The following XRRA1 variants were observed in gnomAD, a reference collection of about 807,000 sequenced individuals.
XRRA1 encodes the protein X-ray radiation resistance-associated protein 1.
In XRRA1, 69 loss-of-function variants were observed where a neutral mutation model predicts 80.2. That is an observed-to-expected ratio of 0.86 (90% CI 0.71 to 1.05). The LOEUF is 1.05. XRRA1 is among the 50% of genes least tolerant of loss of function. XRRA1 has a pLI of 0.00. For missense variants in XRRA1, 967 were observed against 976.4 expected (o/e 0.99, Z 0.13); for synonymous variants, 348 against 389.9 (o/e 0.89, Z 1.27).
chr11:74,845,315 C>G, intron 15 of XRRA1, 44 bp from the exon 16 acceptor site: 3 of 1,552,144 alleles, frequency 1.9e-6, no homozygotes, highest in Non-Finnish European at 2.6e-6. Flanking sequence ...CTCATTCATT[C>G]ATTCATTCCA....
At chr11:74,931,797 C>T (rs1245205668) in intron 5 of XRRA1, 6 of 152,192 alleles carry the variant, frequency 3.9e-5, no homozygotes. Flanking sequence ...TCCTATCAAG[C>T]TGTGGGGAAT....
chr11:74,885,461 A>G (rs568275852), intron 10 of XRRA1, among the ~76,000 whole-genome samples: 50 of 152,318 alleles, frequency 3.3e-4, no homozygotes, highest in African/African-American at 1.1e-3. Context: ...ACGAGGTATA[A>G]AACCTAGAAG....
chr11:74,918,299 A>T (rs536973989), intron 8 of XRRA1, among the ~76,000 whole-genome samples: 1 of 150,156 alleles, frequency 6.7e-6, no homozygotes, highest in Admixed American at 6.7e-5. Flanking sequence ...TTCCTTCCTT[A>T]GTGTGTGTGT....
chr11:74,887,004 G>A (rs760450177), intron 10 of XRRA1, among the ~76,000 whole-genome samples: 1 of 152,166 alleles, frequency 6.6e-6, no homozygotes, highest in Non-Finnish European at 1.5e-5. Context: ...GAGATAACTG[G>A]CCAGCCATAT....
At chr11:74,934,147 T>C (rs181763579) in intron 4 of XRRA1, among the ~76,000 whole-genome samples, 6 of 152,320 alleles carry the variant, frequency 3.9e-5, no homozygotes, top group Admixed American at 2.6e-4. Flanking sequence ...ATCTCCTCTT[T>C]TTAATGAGAA....
chr11:74,843,546 T>C, intron 18 of XRRA1, 93 bp from the exon 19 acceptor site: 1 of 1,486,566 alleles, frequency 6.7e-7, no homozygotes, highest in Non-Finnish European at 9.0e-7. Flanking sequence ...CCTTGGAAAA[T>C]GGGATGGTGT....
chr11:74,859,324 T>G, intron 11 of XRRA1, 41 bp from the exon 12 acceptor site: 1 of 1,568,406 alleles, frequency 6.4e-7, no homozygotes, highest in Non-Finnish European at 8.7e-7. Flanking sequence ...TGCCCGATAA[T>G]AAATAAGGCC....
At chr11:74,892,136 G>A (rs4944963) in intron 10 of XRRA1, among the ~76,000 whole-genome samples, 38,614 of 151,914 alleles carry the variant, frequency 0.25, 5,814 homozygotes, top group East Asian at 0.53. Flanking sequence ...GAGGCATCAC[G>A]CTACCTGACT....
At chr11:74,877,740 A>G (rs979653071) in intron 10 of XRRA1, among the ~76,000 whole-genome samples, 1 of 151,370 alleles carries the variant, frequency 6.6e-6, no homozygotes, top group Non-Finnish European at 1.5e-5. Context: ...GCGATAGTTT[A>G]CTGAGAATGA....
At position 74,848,189 on chromosome 11, in the gene XRRA1, T is replaced by C; in HGVS notation, c.1654A>G (p.Thr552Ala). 1 of 1,613,812 alleles carries C rather than the reference T, an allele frequency of 6.2e-7. No individual in the cohort carries two copies. The highest frequency in any genetic ancestry group is 1.1e-5 in the South Asian group (1 of 91,078). Residue 552 changes from threonine (T) to alanine (A), a missense_variant, in exon 15 of 19, where the codon ACA becomes GCA. Physicochemically the swap from Thr to Ala is moderately conservative, Grantham distance 58. Transcript: ENST00000684022. Reference protein sequence around the residue: ...SEETLSHLSDTTVRLSPERPS... With the variant: ...SEETLSHLSDATVRLSPERPS... ...CGCTCTGGGCTGAGGCGGACAGTTGTGTCACTCAGGTGGGACAGGGTCTCT... is the reference window on the plus strand; with the variant it reads ...CGCTCTGGGCTGAGGCGGACAGTTGCGTCACTCAGGTGGGACAGGGTCTCT...
intron 2 of XRRA1, among the ~76,000 whole-genome samples, chr11:74,944,355 C>G (rs1432353643): frequency 6.6e-6 from 1 of 152,158 alleles, no homozygotes; most frequent in African/African-American, 2.4e-5. Flanking sequence ...GCTACACACG[C>G]ACACACACAT....
At chr11:74,904,494 A>G (rs997626345) in intron 10 of XRRA1, among the ~76,000 whole-genome samples, 1 of 151,974 alleles carries the variant, frequency 6.6e-6, no homozygotes, top group Non-Finnish European at 1.5e-5. Context: ...TAGGGTAACC[A>G]TTAGAGATAC....
rs1262880113 is a variant in XRRA1 at position 74,848,429 on chromosome 11, G to A, written c.1414C>T (p.Pro472Ser). ...KSEIPKVPKQ[P>S]LVLHHPRMTT... ...ATGCGCGGGTGATGGAGCACCAGAG[G>A]CTGCTTCGGCACCTTTGGGATTTCG... The change falls in exon 15 of 19, where the codon CCT (proline) becomes TCT (serine). Residue 472 changes from proline (P) to serine (S), a missense_variant. By Grantham distance (74) the Pro-to-Ser change is moderately conservative. Transcript: ENST00000684022. 2 of 1,612,548 alleles carry A rather than the reference G, an allele frequency of 1.2e-6. No individual in the cohort carries two copies. The highest frequency in any genetic ancestry group is 3.3e-5 in the Admixed American group (2 of 59,970).
chr11:74,882,797 G>C (rs1057305452), intron 10 of XRRA1, among the ~76,000 whole-genome samples: 4 of 152,204 alleles, frequency 2.6e-5, no homozygotes, highest in African/African-American at 7.2e-5. Flanking sequence ...CCCCTGCTGG[G>C]GGGGTGCCTC....
intron 10 of XRRA1, among the ~76,000 whole-genome samples, chr11:74,893,573 AAAAAT>A (rs1352580890): frequency 6.6e-6 from 1 of 152,046 alleles, no homozygotes; most frequent in East Asian, 1.9e-4. Flanking sequence ...AAATAAATAA[AAAAAT>A]AAAGACTTCA....
At chr11:74,874,150 C>T (rs552045748) in intron 10 of XRRA1, among the ~76,000 whole-genome samples, 7 of 137,320 alleles carry the variant, frequency 5.1e-5, no homozygotes, top group East Asian at 2.3e-4. Flanking sequence ...ACAGGAGAAT[C>T]GCATGAACCC....
At chr11:74,937,349 T>C (rs942002606) in intron 3 of XRRA1, among the ~76,000 whole-genome samples, 8 of 152,172 alleles carry the variant, frequency 5.3e-5, no homozygotes, top group African/African-American at 1.9e-4. Context: ...CCTTCACATT[T>C]TTATCTCCAA....
At chr11:74,855,522 A>G (rs908382617) in intron 12 of XRRA1, among the ~76,000 whole-genome samples, 1 of 152,236 alleles carries the variant, frequency 6.6e-6, no homozygotes, top group Non-Finnish European at 1.5e-5. Context: ...CCATGGGGCT[A>G]GCCTGTTCTC....
chr11:74,880,882 C>G (rs1476219485), intron 10 of XRRA1, among the ~76,000 whole-genome samples: 5 of 151,132 alleles, frequency 3.3e-5, no homozygotes, highest in African/African-American at 4.9e-5. Flanking sequence ...TTACTTCCAA[C>G]TATGTGGTCA....
Sources: gnomAD v4.1 joint callset for allele counts (sites outside exome capture counted in the v4.1 genomes callset) on GRCh38, gnomAD v4.1.1 for gene constraint, MANE v1.5 for transcripts, NCBI Gene and HGNC (gene_info 2026-07-23, HGNC 2026-07-21) for gene names.